Variants in CTNNA3 observed in about 807,000 individuals in gnomAD.
CTNNA3 encodes catenin alpha-3.
Under a neutral mutation model 95.7 loss-of-function variants are expected in CTNNA3, and 76 were observed. The observed-to-expected ratio is 0.79, with a 90% CI of 0.66 to 0.96. CTNNA3 has a LOEUF of 0.96. Among genes scored for constraint, CTNNA3 ranks in the 40% least tolerant of loss-of-function variants. CTNNA3 has a pLI of 0.00. For synonymous variants in CTNNA3, 431 were observed against 374.4 expected (o/e 1.15, Z -1.74); for missense variants, 1,191 against 1,089.8 (o/e 1.09, Z -1.31).
At chr10:66,402,350 G>C (rs550165103) in intron 11 of CTNNA3, among the ~76,000 whole-genome samples, 43 of 152,014 alleles carry the variant, frequency 2.8e-4, no homozygotes, top group African/African-American at 9.7e-4. Context: ...ATTTCCTTGA[G>C]GAAAAACACT....
intron 7 of CTNNA3, among the ~76,000 whole-genome samples, chr10:66,802,855 T>C (rs1181691056): frequency 6.6e-6 from 1 of 151,968 alleles, no homozygotes; most frequent in East Asian, 1.9e-4. Flanking sequence ...TTAAAATCTT[T>C]TTCTCAATGA....
chr10:67,715,269 G>A (rs911491075), intron 1 of CTNNA3, among the ~76,000 whole-genome samples: 1 of 152,156 alleles, frequency 6.6e-6, no homozygotes, highest in Non-Finnish European at 1.5e-5. Context: ...TCATGTTAAT[G>A]ACTTGGATAA....
chr10:66,984,214 T>C (rs1012477144), intron 7 of CTNNA3, among the ~76,000 whole-genome samples: 1 of 152,184 alleles, frequency 6.6e-6, no homozygotes, highest in Non-Finnish European at 1.5e-5. Context: ...TTTCAACGAA[T>C]GATGACGTTC....
At chr10:67,538,157 TAAAA>T (rs1176919938) in intron 4 of CTNNA3, among the ~76,000 whole-genome samples, 4 of 59,174 alleles carry the variant, frequency 6.8e-5, no homozygotes, top group South Asian at 5.1e-4. Context: ...CTACTTAAAC[TAAAA>T]AAAAAAAAAA....
At chr10:66,004,202 C>A (rs1223733518) in intron 15 of CTNNA3, among the ~76,000 whole-genome samples, 1 of 152,140 alleles carries the variant, frequency 6.6e-6, no homozygotes, top group African/African-American at 2.4e-5. Context: ...ACCTCAGAAT[C>A]AGTGGAATGT....
At chr10:66,744,398 C>T (rs1849433413) in intron 9 of CTNNA3, among the ~76,000 whole-genome samples, 1 of 152,058 alleles carries the variant, frequency 6.6e-6, no homozygotes, top group Non-Finnish European at 1.5e-5. Flanking sequence ...TTAGAAGCAC[C>T]TTATAGATCA....
At chr10:66,370,635 A>G (rs1176703826) in intron 12 of CTNNA3, among the ~76,000 whole-genome samples, 3 of 152,014 alleles carry the variant, frequency 2.0e-5, no homozygotes, top group Non-Finnish European at 4.4e-5. Flanking sequence ...CTGCTTGATA[A>G]CTGCAGAGCC....
intron 1 of CTNNA3, among the ~76,000 whole-genome samples, chr10:67,669,174 G>A (rs956838511): frequency 6.6e-6 from 1 of 152,124 alleles, no homozygotes; most frequent in Non-Finnish European, 1.5e-5. Flanking sequence ...CTCTTAGCAG[G>A]TAATATTCAC....
At chr10:66,364,942 C>T (rs1257736511) in intron 12 of CTNNA3, among the ~76,000 whole-genome samples, 1 of 152,148 alleles carries the variant, frequency 6.6e-6, no homozygotes. Flanking sequence ...CCACAGTATT[C>T]CGTACTATCA....
At chr10:66,100,717 A>T (rs1439642106) in intron 14 of CTNNA3, among the ~76,000 whole-genome samples, 2 of 152,226 alleles carry the variant, frequency 1.3e-5, no homozygotes, top group Non-Finnish European at 2.9e-5. Flanking sequence ...GCAGCCAGTC[A>T]TCTAGCTGGC....
chr10:67,537,784 G>A (rs1160534234), intron 4 of CTNNA3, among the ~76,000 whole-genome samples: 1 of 152,084 alleles, frequency 6.6e-6, no homozygotes, highest in African/African-American at 2.4e-5. Flanking sequence ...TACAGCATTT[G>A]TTAGTGTCTG....
At chr10:66,031,601 C>A (rs1423605168) in intron 15 of CTNNA3, among the ~76,000 whole-genome samples, 1 of 152,096 alleles carries the variant, frequency 6.6e-6, no homozygotes, top group Non-Finnish European at 1.5e-5. Flanking sequence ...GAAAAACTAT[C>A]TACTGGGTAC....
intron 7 of CTNNA3, among the ~76,000 whole-genome samples, chr10:66,972,737 G>A (rs1405321228): frequency 7.9e-6 from 1 of 127,044 alleles, no homozygotes; most frequent in Non-Finnish European, 1.6e-5. Flanking sequence ...ATGAAATGGA[G>A]TCTGGCTCTG....
intron 12 of CTNNA3, among the ~76,000 whole-genome samples, chr10:66,356,139 T>C (rs978792970): frequency 6.6e-6 from 1 of 151,118 alleles, no homozygotes; most frequent in Non-Finnish European, 1.5e-5. Context: ...TTTTTTTTTT[T>C]TTGGCTATTC....
chr10:66,447,172 A>G (rs1195033823), intron 11 of CTNNA3, among the ~76,000 whole-genome samples: 1 of 152,092 alleles, frequency 6.6e-6, no homozygotes, highest in Non-Finnish European at 1.5e-5. Context: ...AATGAAATAA[A>G]AGAGGATACA....
At chr10:67,374,132 T>G (rs890200509) in intron 5 of CTNNA3, among the ~76,000 whole-genome samples, 1 of 152,136 alleles carries the variant, frequency 6.6e-6, no homozygotes, top group Non-Finnish European at 1.5e-5. Flanking sequence ...TCAGCAAAAT[T>G]TTTCTATAAA....
intron 7 of CTNNA3, among the ~76,000 whole-genome samples, chr10:66,810,847 C>T: frequency 6.6e-6 from 1 of 152,118 alleles, no homozygotes; most frequent in East Asian, 1.9e-4. Flanking sequence ...GAACTTGTGT[C>T]CTTCTTTCCA....
chr10:66,000,169 C>T (rs1328335309), intron 15 of CTNNA3, among the ~76,000 whole-genome samples: 2 of 152,046 alleles, frequency 1.3e-5, no homozygotes, highest in African/African-American at 2.4e-5. Flanking sequence ...ATACCATGGA[C>T]ATTTTATTCA....
chr10:67,180,240 T>C (rs1564947823), intron 7 of CTNNA3, 77 bp downstream of exon 7: 4 of 1,197,982 alleles, frequency 3.3e-6, no homozygotes, highest in Middle Eastern at 2.1e-4. Flanking sequence ...CTATTTTGTA[T>C]ACGGAAAGTA....
Sources: gnomAD v4.1 joint callset for allele counts (sites outside exome capture counted in the v4.1 genomes callset) on GRCh38, gnomAD v4.1.1 for gene constraint, MANE v1.5 for transcripts, NCBI Gene and HGNC (gene_info 2026-07-23, HGNC 2026-07-21) for gene names.